Variants in SLC12A8 observed in about 807,000 individuals in gnomAD.
SLC12A8 encodes the protein solute carrier family 12 member 8.
In SLC12A8, 69 loss-of-function variants were observed where a neutral mutation model predicts 75.6. The ratio of observed to expected loss-of-function variants is 0.91; its 90% CI spans 0.75 to 1.11. The LOEUF is 1.11. Among genes scored for constraint, SLC12A8 ranks in the 50% most tolerant of loss-of-function variants. The probability of loss-of-function intolerance (pLI) is 0.00; values close to 1 mark genes in which losing one functional copy is unlikely to be tolerated. For missense variants in SLC12A8, 877 were observed against 896.7 expected, an observed-to-expected ratio of 0.98 and a Z score of 0.28; for synonymous variants, 365 against 372.8, an observed-to-expected ratio of 0.98 and a Z score of 0.24.
chr3:125,182,664 G>A (rs899654036), intron 4 of SLC12A8, among the ~76,000 whole-genome samples: 14 of 97,984 alleles, frequency 1.4e-4, no homozygotes, highest in Admixed American at 2.7e-4. Flanking sequence ...GCATCACCAC[G>A]CCTGGTTAAT....
chr3:125,211,746 C>G (rs1255579388), intron 1 of SLC12A8, among the ~76,000 whole-genome samples: 1 of 152,162 alleles, frequency 6.6e-6, no homozygotes, highest in Non-Finnish European at 1.5e-5. Flanking sequence ...TCAAGTGCCT[C>G]GTGAACCCCT....
chr3:125,151,410 G>T (rs1005638059), intron 5 of SLC12A8: 62 of 154,220 alleles, frequency 4.0e-4, no homozygotes, highest in African/African-American at 1.4e-3. Flanking sequence ...GGGAAGAACA[G>T]CTCGGTCCAA....
At chr3:125,205,352 C>T (rs1176912054) in intron 2 of SLC12A8, among the ~76,000 whole-genome samples, 3 of 152,192 alleles carry the variant, frequency 2.0e-5, no homozygotes, top group African/African-American at 4.8e-5. Context: ...TAAAATACGG[C>T]GGGTACAAAT....
At chr3:125,160,673 A>C (rs761383287) in intron 5 of SLC12A8, among the ~76,000 whole-genome samples, 17 of 152,220 alleles carry the variant, frequency 1.1e-4, no homozygotes, top group Non-Finnish European at 2.5e-4. Context: ...TAAGACATGG[A>C]TCCCTAAAAG....
At chr3:125,117,349 G>A (rs1939336907) in intron 8 of SLC12A8, among the ~76,000 whole-genome samples, 1 of 151,876 alleles carries the variant, frequency 6.6e-6, no homozygotes, top group African/African-American at 2.4e-5. Flanking sequence ...CACTTTGGAA[G>A]GCTGAGGTGG....
chr3:125,095,775 T>A (rs1174420290), intron 10 of SLC12A8, among the ~76,000 whole-genome samples: 1 of 152,244 alleles, frequency 6.6e-6, no homozygotes, highest in Non-Finnish European at 1.5e-5. Flanking sequence ...CCTGAGTGGA[T>A]GCATGGAAGA....
At chr3:125,101,484 G>GT (rs1938873493) in intron 10 of SLC12A8, among the ~76,000 whole-genome samples, 1 of 152,104 alleles carries the variant, frequency 6.6e-6, no homozygotes, top group African/African-American at 2.4e-5. Context: ...TGACCTTCCT[G>GT]TTTTTAAAAA....
At chr3:125,143,698 G>A (rs919128298) in intron 5 of SLC12A8, among the ~76,000 whole-genome samples, 2 of 152,248 alleles carry the variant, frequency 1.3e-5, no homozygotes, top group African/African-American at 2.4e-5. Context: ...GCCATGGGGA[G>A]AGCCTCCACC....
intron 2 of SLC12A8, among the ~76,000 whole-genome samples, chr3:125,197,820 C>T (rs376021460): frequency 6.6e-6 from 1 of 152,190 alleles, no homozygotes. Context: ...AGAAAATCAC[C>T]ATTTTGCAGC....
chr3:125,198,548 G>A (rs547137865), intron 2 of SLC12A8, among the ~76,000 whole-genome samples: 9 of 151,960 alleles, frequency 5.9e-5, no homozygotes, highest in East Asian at 5.8e-4. Context: ...CAGAAGCATC[G>A]CTTGAACCTG....
At chr3:125,133,711 C>T (rs1299071611) in intron 6 of SLC12A8, among the ~76,000 whole-genome samples, 1 of 152,136 alleles carries the variant, frequency 6.6e-6, no homozygotes, top group African/African-American at 2.4e-5. Context: ...TAGGCATGAG[C>T]CACTGCGCCC....
intron 5 of SLC12A8, among the ~76,000 whole-genome samples, chr3:125,173,319 A>G (rs568351935): frequency 1.4e-4 from 21 of 152,294 alleles, no homozygotes; most frequent in African/African-American, 4.8e-4. Context: ...AAACAGAGCA[A>G]TGGAACAGAA....
chr3:125,090,376 G>A (rs1278355159), intron 12 of SLC12A8, among the ~76,000 whole-genome samples: 7 of 152,106 alleles, frequency 4.6e-5, no homozygotes, highest in Non-Finnish European at 7.4e-5. Flanking sequence ...ATGTATAATT[G>A]AAAAGAACAT....
intron 6 of SLC12A8, among the ~76,000 whole-genome samples, chr3:125,122,147 C>T (rs756497034): frequency 9.2e-5 from 14 of 151,972 alleles, no homozygotes; most frequent in East Asian, 1.9e-4. Context: ...AGTTTTAAGA[C>T]GCATATTAGA....
At chr3:125,161,114 A>C (rs1236418267) in intron 5 of SLC12A8, among the ~76,000 whole-genome samples, 1 of 152,190 alleles carries the variant, frequency 6.6e-6, no homozygotes, top group Non-Finnish European at 1.5e-5. Context: ...TGGGCTTCCC[A>C]TCCTCTTGTC....
chr3:125,146,616 GC>G (rs1246585305), intron 5 of SLC12A8, among the ~76,000 whole-genome samples: 1 of 152,178 alleles, frequency 6.6e-6, no homozygotes, highest in African/African-American at 2.4e-5. Flanking sequence ...GACAAAGGGG[GC>G]TTCCTGGCCA....
intron 9 of SLC12A8, among the ~76,000 whole-genome samples, 162 bp downstream of exon 9, chr3:125,110,027 G>A (rs764003260): frequency 6.6e-6 from 1 of 152,136 alleles, no homozygotes; most frequent in Non-Finnish European, 1.5e-5. Context: ...GCCAGCCAGA[G>A]GACAGGGCTG....
rs560434768 is a variant in SLC12A8, at chr3:125,203,060, C to A, written c.51+8239G>T. On this transcript the variant is annotated intron_variant, in intron 2 of 13. Transcript: ENST00000469902. ...CTGAGATCGCATCATTGCACTCTAG[C>A]CTGGGGGACAAGAGCGAGACTTCAT... Among the ~76,000 whole-genome samples the A allele has an allele frequency of 1.2e-3, 162 of 136,066 alleles. 1 individual carries two copies. Among genetic ancestry groups the A allele is most frequent in the African/African-American group, 3.7e-3 (134 of 35,786 alleles). The allele number at this position is 136,066 out of a possible 152,430, so 89.3% of individuals were successfully genotyped here. A position where few individuals can be genotyped will look rare whatever the true frequency, so the allele number is the denominator to read the frequency against.
rs117399106 is a variant in SLC12A8, at chr3:125,181,855, C to T, written c.391-3881G>A. 5.7e-4 allele frequency among the ~76,000 whole-genome samples: 86 copies of T among 151,940 alleles called. 2 individuals are homozygous for T. In the East Asian group the frequency reaches 0.014, roughly 24 times the overall value. The stretch of plus-strand genomic sequence containing the variant: ...AAAAGAGAAAATGCAAAAATATAGA[C>T]TATTAGGAAAAAAACTACATATACA... On this transcript the variant is annotated intron_variant, in intron 4 of 13. Coordinates refer to ENST00000469902, the MANE Select transcript of SLC12A8 (RefSeq NM_024628.6).
Sources: gnomAD v4.1 joint callset for allele counts (sites outside exome capture counted in the v4.1 genomes callset) on GRCh38, gnomAD v4.1.1 for gene constraint, MANE v1.5 for transcripts, NCBI Gene and HGNC (gene_info 2026-07-23, HGNC 2026-07-21) for gene names.